KCTD9: variants seen among roughly 807,000 people sequenced by gnomAD.
KCTD9 encodes the protein BTB/POZ domain-containing protein KCTD9.
A neutral mutation model predicts 53.3 loss-of-function variants in KCTD9; 17 were observed. The ratio of observed to expected loss-of-function variants is 0.32; its 90% CI spans 0.22 to 0.48. The LOEUF (loss-of-function observed/expected upper bound fraction) is 0.48, where lower values mean the gene tolerates loss of function less well. Among genes scored for constraint, KCTD9 ranks in the 20% least tolerant of loss-of-function variants. The probability of loss-of-function intolerance (pLI) is 0.99; values close to 1 mark genes in which losing one functional copy is unlikely to be tolerated. For synonymous variants in KCTD9, 128 were observed against 162.7 expected (o/e 0.79, Z 1.62); for missense variants, 179 against 465.5 (o/e 0.38, Z 5.66).
intron 6 of KCTD9, among the ~76,000 whole-genome samples, chr8:25,437,273 C>T (rs144647436): frequency 9.2e-5 from 14 of 152,246 alleles, no homozygotes; most frequent in African/African-American, 2.6e-4. Context: ...TTGTGGGCCA[C>T]GCTCTCAATT....
At chr8:25,453,309 A>T (rs1270265805) in intron 1 of KCTD9, among the ~76,000 whole-genome samples, 2 of 150,530 alleles carry the variant, frequency 1.3e-5, no homozygotes, top group African/African-American at 4.9e-5. Context: ...GTGAGCCAAG[A>T]TCGCGCCACT....
intron 11 of KCTD9, among the ~76,000 whole-genome samples, chr8:25,431,753 A>C (rs2117385287): frequency 6.6e-6 from 1 of 152,324 alleles, no homozygotes; most frequent in East Asian, 1.9e-4. Context: ...GAGAGCTATC[A>C]AGATATCTAG....
In KCTD9 at chr8:25,439,668, A is replaced by C; in HGVS notation, c.312-4T>G. On this transcript the variant is annotated splice_polypyrimidine_tract_variant and splice_region_variant and intron_variant, in intron 4 of 11. Transcript: ENST00000221200. ...TTCTTTATTCACTAAAGTGCTCCTA[A>C]GAATTCAGGGAAAAAAATTGATTTC... 1 of 1,613,852 alleles carries C rather than the reference A, an allele frequency of 6.2e-7. No homozygotes were observed. The highest frequency in any genetic ancestry group is 8.5e-7 in the Non-Finnish European group (1 of 1,179,958).
At chr8:25,450,449 G>C in intron 1 of KCTD9, 1 of 983,670 alleles carries the variant, frequency 1.0e-6, no homozygotes, top group Non-Finnish European at 1.2e-6. Context: ...CACCTTTTTT[G>C]TGTGACAGTC....
In KCTD9 at chr8:25,439,333, A is replaced by G. The variant is rs761391575; in HGVS notation, c.445T>C (p.Leu149=). 1 of 1,613,384 alleles carries G rather than the reference A, an allele frequency of 6.2e-7. No individual in the cohort carries two copies. The highest frequency in any genetic ancestry group is 1.1e-5 in the South Asian group (1 of 90,918). ...AGCTGTCCATGACGCAAGTAGTTCAAAATGGGTTCGAAGTACTCAGGACTT... is the reference window on the plus strand; with the variant it reads ...AGCTGTCCATGACGCAAGTAGTTCAGAATGGGTTCGAAGTACTCAGGACTT... ...DRSPEYFEPI[L]NYLRHGQLIV... Residue 149 remains leucine (L), a synonymous_variant, in exon 6 of 12, where the codon TTG becomes CTG. Transcript: ENST00000221200.
intron 4 of KCTD9, among the ~76,000 whole-genome samples, chr8:25,440,249 G>A (rs1024294356): frequency 2.0e-5 from 3 of 151,160 alleles, no homozygotes; most frequent in Admixed American, 2.0e-4. Flanking sequence ...TAGTAGAGAC[G>A]GGGTTTCACC....
chr8:25,430,840 CACAA>C (rs1287281653), intron 11 of KCTD9, among the ~76,000 whole-genome samples: 2 of 115,344 alleles, frequency 1.7e-5, no homozygotes, highest in Non-Finnish European at 3.9e-5. Flanking sequence ...CACACACACA[CACAA>C]TTTTTTTTTT....
intron 4 of KCTD9, among the ~76,000 whole-genome samples, chr8:25,440,090 A>G (rs7013282): frequency 0.41 from 57,556 of 141,422 alleles, 11,937 homozygotes; most frequent in African/African-American, 0.53. Flanking sequence ...AAGGAGTCTC[A>G]CTCTGTCACC....
intron 11 of KCTD9, among the ~76,000 whole-genome samples, chr8:25,432,197 T>A (rs1801943918): frequency 6.6e-6 from 1 of 152,248 alleles, no homozygotes; most frequent in Non-Finnish European, 1.5e-5. Context: ...TTCCTGAACC[T>A]GATTTCAAAC....
chr8:25,440,731 G>T, intron 3 of KCTD9, 58 bp from the exon 4 acceptor site: 1 of 1,197,958 alleles, frequency 8.3e-7, no homozygotes, highest in Non-Finnish European at 1.2e-6. Context: ...CTGGGAAGAT[G>T]GTAATGGCAT....
In KCTD9 at chr8:25,452,496, C is replaced by A. The variant is rs528810897; in HGVS notation, c.48+5703G>T. Among the ~76,000 whole-genome samples, 3 of 152,302 alleles carry A rather than the reference C, an allele frequency of 2.0e-5. No homozygotes were observed. The East Asian group carries it at 5.8e-4, about 29-fold the overall frequency. On this transcript the variant is annotated intron_variant, in intron 1 of 11. Coordinates refer to ENST00000221200, the MANE Select transcript of KCTD9 (RefSeq NM_017634.4). ...GATCCTGTCACCTGCAGCATCTGAACCACATTTCACCTGCAAATTAAAAAT... is the reference window on the plus strand; with the variant it reads ...GATCCTGTCACCTGCAGCATCTGAAACACATTTCACCTGCAAATTAAAAAT...
chr8:25,444,936 T>C (rs983232681), intron 2 of KCTD9, among the ~76,000 whole-genome samples: 4 of 152,256 alleles, frequency 2.6e-5, no homozygotes, highest in Admixed American at 2.0e-4. Context: ...ATCTTATAGC[T>C]CAGAAGGCTT....
chr8:25,441,159 A>G (rs958579), intron 3 of KCTD9, among the ~76,000 whole-genome samples: 42,509 of 151,556 alleles, frequency 0.28, 6,085 homozygotes, highest in Non-Finnish European at 0.31. Context: ...AGTTGAATGC[A>G]ACAAAGACAA....
chr8:25,450,078 T>C (rs1171383766), intron 1 of KCTD9, among the ~76,000 whole-genome samples: 3 of 152,210 alleles, frequency 2.0e-5, no homozygotes, highest in African/African-American at 4.8e-5. Flanking sequence ...TATTTCCTTG[T>C]AGGCTGTAAA....
chr8:25,452,533 C>A (rs1213298243), intron 1 of KCTD9, among the ~76,000 whole-genome samples: 1 of 152,174 alleles, frequency 6.6e-6, no homozygotes, highest in African/African-American at 2.4e-5. Flanking sequence ...TACATTCCTA[C>A]CCCACCCCAG....
At chr8:25,447,602 G>A (rs1480442555) in intron 1 of KCTD9, among the ~76,000 whole-genome samples, 2 of 152,116 alleles carry the variant, frequency 1.3e-5, no homozygotes, top group Non-Finnish European at 2.9e-5. Context: ...GATAACATAC[G>A]AGTGTGCAGT....
At chr8:25,444,164 G>T in intron 3 of KCTD9, 128 bp downstream of exon 3, 1 of 800,832 alleles carries the variant, frequency 1.2e-6, no homozygotes, top group Non-Finnish European at 2.0e-6. Context: ...ATCAAAAAGT[G>T]TGAAGATTTG....
chr8:25,440,780 C>T, intron 3 of KCTD9, 107 bp from the exon 4 acceptor site: 1 of 751,384 alleles, frequency 1.3e-6, no homozygotes, highest in South Asian at 1.6e-5. Flanking sequence ...AAAAGCATAC[C>T]AGAGCTACTA....
chr8:25,457,863 G>A (rs1802491017), intron 1 of KCTD9: 1 of 196,290 alleles, frequency 5.1e-6, no homozygotes. Flanking sequence ...GAGGCGGGAA[G>A]AGGCGCGACC....
Sources: allele counts gnomAD v4.1 joint callset (sites outside exome capture counted in the v4.1 genomes callset), GRCh38; gene constraint gnomAD v4.1.1; transcripts MANE v1.5; gene names NCBI Gene and HGNC (gene_info 2026-07-23, HGNC 2026-07-21).